The following CSMD1 variants were observed in gnomAD, a reference collection of about 807,000 sequenced individuals.
CSMD1 encodes CUB and Sushi multiple domains 1, also known as CUB and sushi domain-containing protein 1.
In CSMD1, 213 loss-of-function variants were observed where a neutral mutation model predicts 417.5. That is an observed-to-expected ratio of 0.51 (90% CI 0.46 to 0.57). CSMD1 has a LOEUF of 0.57. Ranked by LOEUF, CSMD1 falls within the 20% of genes least tolerant of loss-of-function variation. The probability of loss-of-function intolerance (pLI) is 0.00; values close to 1 mark genes in which losing one functional copy is unlikely to be tolerated. For missense variants in CSMD1, 6,923 were observed against 4,529.7 expected, an observed-to-expected ratio of 1.53 and a Z score of -15.17; for synonymous variants, 2,862 against 1,736.8, an observed-to-expected ratio of 1.65 and a Z score of -16.11.
At chr8:4,086,906 C>G (rs1800450922) in intron 3 of CSMD1, among the ~76,000 whole-genome samples, 1 of 152,150 alleles carries the variant, frequency 6.6e-6, no homozygotes, top group African/African-American at 2.4e-5. Context: ...AACAATCAGG[C>G]AAGGGTTGAA....
intron 3 of CSMD1, among the ~76,000 whole-genome samples, chr8:4,300,888 T>C (rs528692972): frequency 2.6e-5 from 4 of 152,358 alleles, no homozygotes; most frequent in Admixed American, 2.6e-4. Flanking sequence ...GGCTACATAG[T>C]ATTCCATGGT....
At chr8:3,444,720 A>G (rs1256448426) in intron 12 of CSMD1, among the ~76,000 whole-genome samples, 1 of 152,198 alleles carries the variant, frequency 6.6e-6, no homozygotes, top group Non-Finnish European at 1.5e-5. Flanking sequence ...TTCTGAATGT[A>G]ATATATAAAT....
At chr8:4,893,584 T>C (rs528640020) in intron 1 of CSMD1, among the ~76,000 whole-genome samples, 1 of 152,298 alleles carries the variant, frequency 6.6e-6, no homozygotes, top group South Asian at 2.1e-4. Context: ...AAATGTGTGA[T>C]GTATTTACAT....
intron 50 of CSMD1, among the ~76,000 whole-genome samples, chr8:3,031,863 CTCTT>C (rs775176362): frequency 1.4e-4 from 15 of 109,766 alleles, no homozygotes; most frequent in African/African-American, 3.9e-4. Context: ...GCTCACATCT[CTCTT>C]TTTTTTTTTT....
chr8:3,038,376 T>A (rs182665220), intron 50 of CSMD1, among the ~76,000 whole-genome samples: 133 of 152,338 alleles, frequency 8.7e-4, no homozygotes, highest in Non-Finnish European at 1.4e-3. Context: ...TGAAAAATAG[T>A]ATGACTGATC....
intron 26 of CSMD1, among the ~76,000 whole-genome samples, chr8:3,277,911 C>T (rs1802426190): frequency 6.6e-6 from 1 of 152,174 alleles, no homozygotes; most frequent in Non-Finnish European, 1.5e-5. Flanking sequence ...CAATTTTATA[C>T]AGTTCAAATT....
chr8:3,006,004 A>T (rs1807861586), intron 52 of CSMD1, among the ~76,000 whole-genome samples: 1 of 152,142 alleles, frequency 6.6e-6, no homozygotes. Context: ...AGACGACATG[A>T]TTGTATACCT....
At chr8:4,096,433 C>A (rs1189149568) in intron 3 of CSMD1, among the ~76,000 whole-genome samples, 1 of 152,088 alleles carries the variant, frequency 6.6e-6, no homozygotes, top group Non-Finnish European at 1.5e-5. Flanking sequence ...AGGAAAAATG[C>A]AAACCAGATG....
At chr8:3,650,214 T>C (rs1797781049) in intron 7 of CSMD1, among the ~76,000 whole-genome samples, 1 of 151,722 alleles carries the variant, frequency 6.6e-6, no homozygotes, top group South Asian at 2.1e-4. Context: ...AGAAGGCAGA[T>C]TTGCAATGAC....
At chr8:4,362,211 A>C (rs967699041) in intron 3 of CSMD1, among the ~76,000 whole-genome samples, 3 of 152,200 alleles carry the variant, frequency 2.0e-5, no homozygotes, top group African/African-American at 7.2e-5. Flanking sequence ...TTTCCAAAGG[A>C]TCCTGGGAGA....
chr8:3,294,636 C>T (rs572322350), intron 25 of CSMD1, among the ~76,000 whole-genome samples: 1 of 152,170 alleles, frequency 6.6e-6, no homozygotes, highest in Admixed American at 6.5e-5. Context: ...GGGATATAAT[C>T]TCCTGGTGTG....
chr8:4,757,384 C>T (rs181213156), intron 1 of CSMD1, among the ~76,000 whole-genome samples: 1 of 152,274 alleles, frequency 6.6e-6, no homozygotes, highest in East Asian at 1.9e-4. Flanking sequence ...ATTCAATATA[C>T]ACAAAAACTC....
At chr8:3,612,358 G>C (rs377018526) in intron 8 of CSMD1, among the ~76,000 whole-genome samples, 2 of 152,016 alleles carry the variant, frequency 1.3e-5, no homozygotes, top group African/African-American at 4.8e-5. Flanking sequence ...AATTTTAGTA[G>C]ATGATTTAGA....
intron 5 of CSMD1, among the ~76,000 whole-genome samples, chr8:3,913,682 T>C (rs1248501118): frequency 6.6e-6 from 1 of 152,166 alleles, no homozygotes; most frequent in Non-Finnish European, 1.5e-5. Context: ...ATATCAAGGA[T>C]GCAAACTTTC....
chr8:2,989,586 T>G (rs1231049029), intron 54 of CSMD1, among the ~76,000 whole-genome samples: 1 of 152,148 alleles, frequency 6.6e-6, no homozygotes, highest in Non-Finnish European at 1.5e-5. Context: ...TCCTGAAGAG[T>G]TTAAAATGCA....
intron 3 of CSMD1, among the ~76,000 whole-genome samples, chr8:4,160,853 T>C (rs1008799243): frequency 1.3e-5 from 2 of 152,338 alleles, no homozygotes; most frequent in African/African-American, 4.8e-5. Context: ...TTTCTAATAT[T>C]TCCTTAAGGA....
rs527911026 is a variant in CSMD1, at chr8:3,710,044, C to A, written c.932-1553G>T. On this transcript the variant is annotated intron_variant, in intron 6 of 69. Transcript: ENST00000635120. ...AAAATAGCCCACTCTTGACCAGATG[C>A]CTTACCAATAACATAAACAGTTACT... is the stretch of plus-strand genomic sequence containing the variant. 3.3e-5 allele frequency among the ~76,000 whole-genome samples: 5 copies of A among 152,068 alleles called. No homozygotes were observed. In the South Asian group the frequency reaches 8.3e-4, roughly 25 times the overall value.
chr8:4,276,984 A>C (rs1035728780), intron 3 of CSMD1, among the ~76,000 whole-genome samples: 1 of 152,194 alleles, frequency 6.6e-6, no homozygotes, highest in African/African-American at 2.4e-5. Context: ...CATATTTTAA[A>C]AAGATAAACT....
intron 2 of CSMD1, among the ~76,000 whole-genome samples, chr8:4,536,839 G>T (rs1395236693): frequency 6.6e-6 from 1 of 152,166 alleles, no homozygotes; most frequent in Non-Finnish European, 1.5e-5. Flanking sequence ...TTCACAAGGG[G>T]TGTCACCTTT....
Sources: gnomAD v4.1 joint callset for allele counts (sites outside exome capture counted in the v4.1 genomes callset) on GRCh38, gnomAD v4.1.1 for gene constraint, MANE v1.5 for transcripts, NCBI Gene and HGNC (gene_info 2026-07-23, HGNC 2026-07-21) for gene names.